CIT: variants seen among roughly 807,000 people sequenced by gnomAD.
CIT encodes citron Rho-interacting kinase.
A neutral mutation model predicts 272.7 loss-of-function variants in CIT; 79 were observed. The ratio of observed to expected loss-of-function variants is 0.29; its 90% confidence interval spans 0.24 to 0.35. The LOEUF (loss-of-function observed/expected upper bound fraction) is 0.35, where lower values mean the gene tolerates loss of function less well. CIT is among the 10% of genes least tolerant of loss of function. The pLI is 1.00. For missense variants in CIT, 1,909 were observed against 2,618.3 expected (o/e 0.73, Z 5.91); for synonymous variants, 948 against 995.6 (o/e 0.95, Z 0.90).
intron 40 of CIT, among the ~76,000 whole-genome samples, chr12:119,704,966 G>A (rs569513119): frequency 2.6e-5 from 4 of 152,332 alleles, no homozygotes; most frequent in Middle Eastern, 3.4e-3. Context: ...AGGCTGGAGT[G>A]CAGTGGCATG....
At position 119,869,096 on chromosome 12, in the gene CIT, T is replaced by C. The variant is rs201743463; in HGVS notation, c.202A>G (p.Met68Val). ...LFEECSQPAL[M>V]KIKHVSNFVR... ...AAGTTGCTCACGTGCTTAATCTTCA[T>C]CAGAGCAGGCTGACTGCATTCTTCA... The change falls in exon 3 of 48, where the codon ATG becomes GTG. Residue 68 changes from methionine (M) to valine (V), a missense_variant. Met to Val is a conservative substitution (Grantham distance 21). Coordinates refer to ENST00000392521, the MANE Select transcript of CIT (RefSeq NM_001206999.2). The C allele has an allele frequency of 1.2e-6, 2 of 1,612,306 alleles. No individual in the cohort carries two copies. Among genetic ancestry groups the C allele is most frequent in the Non-Finnish European group, 1.7e-6 (2 of 1,179,536 alleles).
chr12:119,712,558 C>T lies in CIT; in HGVS notation c.4684+33G>A. The T allele has an allele frequency of 1.3e-6, 2 of 1,597,262 alleles. No individual in the cohort carries two copies. Among genetic ancestry groups the T allele is most frequent in the South Asian group, 1.1e-5 (1 of 90,640 alleles). On this transcript the variant is annotated intron_variant, in intron 36 of 47. Transcript: ENST00000392521. This position sits in a 1 kb window ranked among gnomAD's most constrained non-coding sequence, Gnocchi z 5.2. ...TGCTGATTGGCCAAGCCCGGCCCACCTCCAGGGCGGGGCTCCTCCGGCTCC... is the reference window on the plus strand; with the variant it reads ...TGCTGATTGGCCAAGCCCGGCCCACTTCCAGGGCGGGGCTCCTCCGGCTCC...
chr12:119,762,128 T>G (rs1205146262), intron 19 of CIT, among the ~76,000 whole-genome samples: 2 of 152,104 alleles, frequency 1.3e-5, no homozygotes, highest in Non-Finnish European at 2.9e-5. Context: ...GAAAGGACTG[T>G]CACAGCTCAT....
Position 119,700,757 on chromosome 12 carries a change from G to A in CIT, c.5611C>T (p.Pro1871Ser), listed in dbSNP as rs757040061. 1 of 1,505,226 alleles carries A rather than the reference G, an allele frequency of 6.6e-7. No individual in the cohort carries two copies. The highest frequency in any genetic ancestry group is 9.1e-7 in the Non-Finnish European group (1 of 1,101,976). The allele number at this position is 1,505,226 out of a possible 1,614,324, so 93.2% of individuals were successfully genotyped here. Residue 1871 changes from proline to serine, a missense_variant, in exon 44 of 48, where the codon CCT becomes TCT. Pro to Ser is a moderately conservative substitution (Grantham distance 74). Around this residue, in one of 8 missense-constraint regions of CIT, gnomAD observed 780 missense variants for 1,067.2 expected, o/e 0.73. Transcript: ENST00000392521. ...RTDDLKWSRLPLAFAYREPYL... is the reference protein window; with the variant it reads ...RTDDLKWSRLSLAFAYREPYL... ...GAGCCTCACGTACCAAAGGCCAAAG[G>A]TAAGCGACTCCACTTGAGATCGTCT...
rs1429046494 is a variant in CIT at position 119,708,225 on chromosome 12, T to C, written c.5165A>G (p.Asn1722Ser). 1.9e-6 allele frequency: 3 copies of C among 1,605,506 alleles called. No homozygotes were observed. The African/African-American group carries it at 4.0e-5, about 22-fold the overall frequency. The change falls in exon 40 of 48, where the codon AAC becomes AGC. Residue 1722 changes from asparagine (N) to serine (S), a missense_variant. By Grantham distance (46) the Asn-to-Ser change is conservative. Around this residue, in one of 8 missense-constraint regions of CIT, gnomAD observed 780 missense variants for 1,067.2 expected, o/e 0.73. Coordinates refer to ENST00000392521, the MANE Select transcript of CIT (RefSeq NM_001206999.2). ...GCAGCCCTTGACAGCTTCAAAAATG[T>C]TGGGTGAGATGTCGGGCTGGGCAGG... Reference protein sequence around the residue: ...HLPAQPDISPNIFEAVKGCHL... With the variant: ...HLPAQPDISPSIFEAVKGCHL...
intron 28 of CIT, among the ~76,000 whole-genome samples, chr12:119,726,294 A>G (rs1014201061): frequency 6.6e-6 from 1 of 151,570 alleles, no homozygotes; most frequent in Non-Finnish European, 1.5e-5. Context: ...TCAGAGCTCA[A>G]TGCAGCCTCA....
chr12:119,723,390 T>G (rs911662140), intron 28 of CIT, among the ~76,000 whole-genome samples: 63 of 105,332 alleles, frequency 6.0e-4, no homozygotes, highest in African/African-American at 2.3e-3. Flanking sequence ...GGTTATTCCC[T>G]ATACATTAAA....
At chr12:119,757,326 G>A (rs750060036) in intron 22 of CIT, 45 bp downstream of exon 22, 18 of 1,607,462 alleles carry the variant, frequency 1.1e-5, no homozygotes, top group East Asian at 6.7e-5. Flanking sequence ...TTCAGAGCCC[G>A]AATCGCCCAG....
rs537476001 is a variant in CIT at position 119,877,199 on chromosome 12, G to A, written c.-14+50C>T. On this transcript the variant is annotated intron_variant, in intron 1 of 47. Transcript: ENST00000392521. Reference sequence around the variant, plus strand: ...TATGGGTGGAGGCGGCCCTCCCCTGGCCTTGCAGAGCCGGGTGCGGTAGAA... The same window carrying A: ...TATGGGTGGAGGCGGCCCTCCCCTGACCTTGCAGAGCCGGGTGCGGTAGAA... The A allele has an allele frequency of 2.6e-5, 4 of 152,394 alleles. No individual in the cohort carries two copies. The East Asian group carries it at 7.7e-4, about 29-fold the overall frequency. 9.4% of individuals were successfully genotyped at this position (152,394 alleles called of 1,614,324 possible).
chr12:119,724,820 T>G (rs1238893406), intron 28 of CIT, among the ~76,000 whole-genome samples: 1 of 147,860 alleles, frequency 6.8e-6, no homozygotes, highest in Non-Finnish European at 1.5e-5. Context: ...GCACCTGTAG[T>G]CCCAGCTACT....
chr12:119,777,749 C>A (rs950330546), intron 13 of CIT, among the ~76,000 whole-genome samples: 5 of 151,848 alleles, frequency 3.3e-5, no homozygotes, highest in Admixed American at 3.3e-4. Flanking sequence ...AACACACATG[C>A]AAATCACACC....
intron 5 of CIT, among the ~76,000 whole-genome samples, chr12:119,846,984 C>T (rs906894741): frequency 3.2e-5 from 4 of 124,510 alleles, no homozygotes; most frequent in African/African-American, 1.0e-4. Flanking sequence ...TTCAAGGGAA[C>T]GTCTTTTTTT....
chr12:119,830,692 C>T (rs1247343089), intron 7 of CIT, among the ~76,000 whole-genome samples: 1 of 152,080 alleles, frequency 6.6e-6, no homozygotes, highest in Non-Finnish European at 1.5e-5. Context: ...GGGGAGGGTG[C>T]TAATGGCATC....
rs1455092230 is a variant in CIT, at chr12:119,757,352, G to A, written c.2706+19C>T. 4 of 1,612,820 alleles carry A rather than the reference G, an allele frequency of 2.5e-6. No homozygotes were observed. In the Admixed American group the frequency reaches 5.0e-5, roughly 20 times the overall value. Reference sequence around the variant, plus strand: ...AATCGCCCAGCAAATCCTCCCAGGAGATGACTCCTCGCTCTCACCTCCCGC... The same window carrying A: ...AATCGCCCAGCAAATCCTCCCAGGAAATGACTCCTCGCTCTCACCTCCCGC... On this transcript the variant is annotated intron_variant, in intron 22 of 47. Coordinates refer to ENST00000392521, the MANE Select transcript of CIT (RefSeq NM_001206999.2).
chr12:119,782,368 G>C (rs1964375810), intron 13 of CIT, 150 bp downstream of exon 13: 2 of 770,988 alleles, frequency 2.6e-6, no homozygotes, highest in Non-Finnish European at 4.1e-6. Context: ...TGAAGTTTCT[G>C]AATGACCTAC....
At chr12:119,803,414 A>G (rs750112207) in intron 9 of CIT, 25 bp from the exon 10 acceptor site, 2 of 1,506,578 alleles carry the variant, frequency 1.3e-6, no homozygotes, top group East Asian at 2.4e-5. Context: ...ACAAGAAAGG[A>G]GGCGGGGAGG....
At position 119,721,280 on chromosome 12, in the gene CIT, T is replaced by C. The variant is rs755026383; in HGVS notation, c.3732+29A>G. On this transcript the variant is annotated intron_variant, in intron 29 of 47. Transcript: ENST00000392521. Reference sequence around the variant, plus strand: ...CTGCGCCCAGCCGTGCAGACCATTTTTAAGCAGATTCCCTCTGCCAGTCCT... The same window carrying C: ...CTGCGCCCAGCCGTGCAGACCATTTCTAAGCAGATTCCCTCTGCCAGTCCT... 1.9e-6 allele frequency: 3 copies of C among 1,580,330 alleles called. No individual in the cohort carries two copies. The East Asian group carries it at 6.8e-5, about 36-fold the overall frequency.
At chr12:119,763,510 T>C (rs1179015653) in intron 19 of CIT, among the ~76,000 whole-genome samples, 4 of 152,194 alleles carry the variant, frequency 2.6e-5, no homozygotes, top group African/African-American at 7.2e-5. Context: ...ATTACAGATG[T>C]GAACCACTGT....
intron 24 of CIT, 99 bp downstream of exon 24, chr12:119,742,312 A>G: frequency 2.4e-6 from 2 of 827,652 alleles, no homozygotes; most frequent in Non-Finnish European, 3.6e-6. Context: ...GCAAGTTCGT[A>G]TCAAAACTCA....
Sources: gnomAD v4.1 joint callset for allele counts (sites outside exome capture counted in the v4.1 genomes callset) on GRCh38, gnomAD v4.1.1 for gene constraint, gnomAD v4.1.1 regional missense constraint, Gnocchi (gnomAD v3.1) non-coding constraint, MANE v1.5 for transcripts, NCBI Gene and HGNC (gene_info 2026-07-23, HGNC 2026-07-21) for gene names.